The following TIPARP variants were observed in gnomAD, a reference collection of about 807,000 sequenced individuals.
TIPARP encodes the protein protein mono-ADP-ribosyltransferase TIPARP.
Under a neutral mutation model 56.5 loss-of-function variants are expected in TIPARP, and 12 were observed. The ratio of observed to expected loss-of-function variants is 0.21; its 90% CI spans 0.14 to 0.34. The LOEUF (loss-of-function observed/expected upper bound fraction) is 0.34. Ranked by LOEUF, TIPARP falls within the 10% of genes least tolerant of loss-of-function variation. The pLI, the probability that TIPARP is intolerant of heterozygous loss-of-function variation, is 1.00. For missense variants in TIPARP, 604 were observed against 781.6 expected (o/e 0.77, Z 2.71); for synonymous variants, 296 against 265.7 (o/e 1.11, Z -1.11).
intron 2 of TIPARP, among the ~76,000 whole-genome samples, chr3:156,679,971 A>C (rs1722252262): frequency 6.6e-6 from 1 of 152,070 alleles, no homozygotes; most frequent in Admixed American, 6.6e-5. Context: ...GTTCCCATTC[A>C]GTAATGGGTA....
At chr3:156,678,693 G>T in intron 2 of TIPARP, 79 bp downstream of exon 2, 4 of 1,262,754 alleles carry the variant, frequency 3.2e-6, no homozygotes, top group Non-Finnish European at 4.3e-6. Context: ...TAGTAGGGTG[G>T]TTTCTTTCAG....
Position 156,677,793 on chromosome 3 carries a change from G to C in TIPARP, c.96G>C (p.Lys32Asn). The change falls in exon 2 of 6, where the codon AAG becomes AAC. Residue 32 changes from lysine to asparagine, a missense_variant. By Grantham distance (94) the Lys-to-Asn change is moderately conservative. Coordinates refer to ENST00000295924, the MANE Select transcript of TIPARP (RefSeq NM_015508.5). ...CATGCCAAATGAGACTCTCTGAGAA[G>C]ATCACTCCATTGAAGACTTGTTTTA... ...DFSCQMRLSE[K>N]ITPLKTCFKK... 1 of 1,614,142 alleles carries C rather than the reference G, an allele frequency of 6.2e-7. No homozygotes were observed. The highest frequency in any genetic ancestry group is 8.5e-7 in the Non-Finnish European group (1 of 1,180,028).
At chr3:156,692,956 A>C (rs1722614474) in intron 2 of TIPARP, among the ~76,000 whole-genome samples, 1 of 152,102 alleles carries the variant, frequency 6.6e-6, no homozygotes, top group African/African-American at 2.4e-5. Flanking sequence ...AATTTACAGC[A>C]AGGAAATAAG....
chr3:156,691,139 A>C (rs530073984), intron 2 of TIPARP, among the ~76,000 whole-genome samples: 3 of 151,908 alleles, frequency 2.0e-5, no homozygotes, highest in Non-Finnish European at 4.4e-5. Context: ...TCCTGTCTCC[A>C]CCCGTCTTTC....
At chr3:156,678,675 T>TA in intron 2 of TIPARP, 61 bp downstream of exon 2, 1 of 1,472,132 alleles carries the variant, frequency 6.8e-7, no homozygotes, top group Non-Finnish European at 9.1e-7. Context: ...GTAAAGAAGC[T>TA]AAAAGCTTAG....
chr3:156,678,887 C>T (rs937352012), intron 2 of TIPARP, among the ~76,000 whole-genome samples: 1 of 152,176 alleles, frequency 6.6e-6, no homozygotes, highest in African/African-American at 2.4e-5. Flanking sequence ...TATTGTGAAT[C>T]AAATACTGTT....
At position 156,677,822 on chromosome 3, in the gene TIPARP, A is replaced by C; in HGVS notation, c.125A>C (p.Lys42Thr). 6.2e-7 allele frequency: 1 copy of C among 1,614,210 alleles called. No homozygotes were observed. The highest frequency in any genetic ancestry group is 8.5e-7 in the Non-Finnish European group (1 of 1,180,044). ...ACTCCATTGAAGACTTGTTTTAAGA[A>C]AAAGGATCAGAAAAGATTGGGAACT... ...KITPLKTCFKKKDQKRLGTGT... is the reference protein window; with the variant it reads ...KITPLKTCFKTKDQKRLGTGT... Residue 42 changes from lysine to threonine, a missense_variant, in exon 2 of 6, where the codon AAA becomes ACA. Coordinates refer to ENST00000295924, the MANE Select transcript of TIPARP (RefSeq NM_015508.5).
At chr3:156,688,532 G>T (rs961425747) in intron 2 of TIPARP, among the ~76,000 whole-genome samples, 1 of 149,602 alleles carries the variant, frequency 6.7e-6, no homozygotes, top group Non-Finnish European at 1.5e-5. Flanking sequence ...GGCAGTGTTA[G>T]CAAAAATCTT....
Position 156,705,834 on chromosome 3 carries a change from T to G in TIPARP, c.*703T>G, listed in dbSNP as rs1722966746. 1 of 152,660 alleles carries G rather than the reference T, an allele frequency of 6.6e-6. No individual in the cohort carries two copies. The highest frequency in any genetic ancestry group is 2.1e-4 in the South Asian group (1 of 4,834). 9.5% of individuals were successfully genotyped at this position (152,660 alleles called of 1,614,324 possible). Reference sequence around the variant, plus strand: ...CACTAATTAGTGATATGAAATGTGATTTTTGTGTTGTTAAACTTCAGCTTT... The same window carrying G: ...CACTAATTAGTGATATGAAATGTGAGTTTTGTGTTGTTAAACTTCAGCTTT... On this transcript the variant is annotated 3_prime_UTR_variant, in exon 6 of 6. Transcript: ENST00000295924.
intron 1 of TIPARP, chr3:156,676,640 G>C (rs1002129458): frequency 1.3e-5 from 2 of 152,176 alleles, no homozygotes; most frequent in African/African-American, 4.8e-5. Context: ...TATTGGACAA[G>C]AGAGAAGAGG....
At chr3:156,688,482 G>A (rs866782978) in intron 2 of TIPARP, among the ~76,000 whole-genome samples, 1 of 140,170 alleles carries the variant, frequency 7.1e-6, no homozygotes, top group South Asian at 2.3e-4. Context: ...TTTTATTGCC[G>A]CCCCCCCCCG....
Position 156,703,503 on chromosome 3 carries a change from G to T in TIPARP, c.1327G>T (p.Val443Phe). 6 of 1,614,128 alleles carry T rather than the reference G, an allele frequency of 3.7e-6. No individual in the cohort carries two copies. Among genetic ancestry groups the T allele is most frequent in the Non-Finnish European group, 4.2e-6 (5 of 1,180,016 alleles). Residue 443 changes from valine to phenylalanine, a missense_variant, in exon 5 of 6, where the codon GTC (valine) becomes TTC (phenylalanine). Around this residue, in one of 4 missense-constraint regions of TIPARP, gnomAD observed 252 missense variants for 303.9 expected, o/e 0.83. Coordinates refer to ENST00000295924, the MANE Select transcript of TIPARP (RefSeq NM_015508.5). The part of the protein sequence containing the change: ...SSSQIICPDG[V>F]TSANFYPETW... ...ATCACAAATTATCTGCCCAGATGGG[G>T]TCACTTCAGCAAACTTTTACCCTGA... is the stretch of plus-strand genomic sequence containing the variant.
chr3:156,678,436 C>A lies in TIPARP; in HGVS notation c.739C>A (p.Leu247Met), dbSNP rs1722206681. 1.2e-6 allele frequency: 2 copies of A among 1,614,220 alleles called. No homozygotes were observed. Among genetic ancestry groups the A allele is most frequent in the Non-Finnish European group, 1.7e-6 (2 of 1,180,034 alleles). ...CGGAATTGAAATTTGCATGGACTTTCTGCAAGGCACTTGTATTTATGGCAG... is the reference window on the plus strand; with the variant it reads ...CGGAATTGAAATTTGCATGGACTTTATGCAAGGCACTTGTATTTATGGCAG... ...ENGIEICMDFLQGTCIYGRDC... is the reference protein window; with the variant it reads ...ENGIEICMDFMQGTCIYGRDC... Residue 247 changes from leucine to methionine, a missense_variant, in exon 2 of 6, where the codon CTG (leucine) becomes ATG (methionine). By Grantham distance (15) the Leu-to-Met change is conservative. Transcript: ENST00000295924.
At chr3:156,698,030 C>T (rs1488538252) in intron 4 of TIPARP, among the ~76,000 whole-genome samples, 1 of 152,170 alleles carries the variant, frequency 6.6e-6, no homozygotes, top group Non-Finnish European at 1.5e-5. Context: ...AGCCTTCTTG[C>T]TAATATAGAG....
At chr3:156,703,297 A>G in intron 4 of TIPARP, 127 bp from the exon 5 acceptor site, 1 of 996,416 alleles carries the variant, frequency 1.0e-6, no homozygotes, top group Non-Finnish European at 1.4e-6. Flanking sequence ...AGCATTTTTT[A>G]CTTTTAAAAT....
At position 156,677,644 on chromosome 3, in the gene TIPARP, C is replaced by G; in HGVS notation, c.-41-13C>G. The G allele has an allele frequency of 6.8e-7, 1 of 1,479,456 alleles. No homozygotes were observed. Among genetic ancestry groups the G allele is most frequent in the Non-Finnish European group, 9.0e-7 (1 of 1,107,522 alleles). The allele number at this position is 1,479,456 out of a possible 1,614,324, so 91.6% of individuals were successfully genotyped here. ...CAGTTTGTAAATGATCATCTTCCTT[C>G]CTTTCCTCGTAGGATTTTTAGACTC... On this transcript the variant is annotated splice_polypyrimidine_tract_variant and intron_variant, in intron 1 of 5. Coordinates refer to ENST00000295924, the MANE Select transcript of TIPARP (RefSeq NM_015508.5).
In TIPARP at chr3:156,703,722, A is replaced by T; in HGVS notation, c.1526+20A>T. On this transcript the variant is annotated intron_variant, in intron 5 of 5. Transcript: ENST00000295924. ...TAAAAGGTGAGTCAGATGTATGAAAAGTTCAAGACGGCCGGGCGCAGTGGC... is the reference window on the plus strand; with the variant it reads ...TAAAAGGTGAGTCAGATGTATGAAATGTTCAAGACGGCCGGGCGCAGTGGC... 6.3e-7 allele frequency: 1 copy of T among 1,596,360 alleles called. No individual in the cohort carries two copies. Among genetic ancestry groups the T allele is most frequent in the Non-Finnish European group, 8.5e-7 (1 of 1,174,888 alleles).
intron 4 of TIPARP, among the ~76,000 whole-genome samples, chr3:156,697,703 T>G (rs986670384): frequency 6.6e-5 from 10 of 152,180 alleles, no homozygotes; most frequent in African/African-American, 2.2e-4. Flanking sequence ...CTTCGGATAT[T>G]TCAGGTGTTT....
At chr3:156,698,023 C>T (rs1046882016) in intron 4 of TIPARP, among the ~76,000 whole-genome samples, 4 of 152,192 alleles carry the variant, frequency 2.6e-5, no homozygotes, top group African/African-American at 7.2e-5. Flanking sequence ...GTAAAACAGC[C>T]TTCTTGCTAA....
Sources: allele counts gnomAD v4.1 joint callset (sites outside exome capture counted in the v4.1 genomes callset), GRCh38; gene constraint gnomAD v4.1.1; regional missense constraint gnomAD v4.1.1; transcripts MANE v1.5; gene names NCBI Gene and HGNC (gene_info 2026-07-23, HGNC 2026-07-21).